Variants in CSMD1 observed in about 807,000 individuals in gnomAD.
The protein encoded by CSMD1 is CUB and sushi domain-containing protein 1.
Under a neutral mutation model 417.5 loss-of-function variants are expected in CSMD1, and 213 were observed. The observed-to-expected ratio is 0.51, with a 90% CI of 0.46 to 0.57. The LOEUF is 0.57. Ranked by LOEUF, CSMD1 falls within the 20% of genes least tolerant of loss-of-function variation. The pLI, the probability that CSMD1 is intolerant of heterozygous loss-of-function variation, is 0.00. For synonymous variants in CSMD1, 2,862 were observed against 1,736.8 expected, an observed-to-expected ratio of 1.65 and a Z score of -16.11; for missense variants, 6,923 against 4,529.7, an observed-to-expected ratio of 1.53 and a Z score of -15.17.
intron 2 of CSMD1, among the ~76,000 whole-genome samples, chr8:4,526,619 A>G (rs1342252864): frequency 6.6e-6 from 1 of 152,260 alleles, no homozygotes; most frequent in Non-Finnish European, 1.5e-5. Context: ...CCAACTTGAC[A>G]TCACTCTTGG....
intron 3 of CSMD1, among the ~76,000 whole-genome samples, chr8:4,085,370 A>G (rs1055476830): frequency 1.3e-5 from 2 of 152,238 alleles, no homozygotes; most frequent in Admixed American, 6.5e-5. Flanking sequence ...AAAAGGAAAA[A>G]GAAGCTATAT....
At chr8:4,194,594 T>C (rs1026857978) in intron 3 of CSMD1, among the ~76,000 whole-genome samples, 4 of 152,150 alleles carry the variant, frequency 2.6e-5, no homozygotes, top group African/African-American at 9.7e-5. Context: ...GTTTCCCCTT[T>C]GACATTAATT....
chr8:3,809,899 C>T (rs1423232474), intron 5 of CSMD1, among the ~76,000 whole-genome samples: 1 of 152,050 alleles, frequency 6.6e-6, no homozygotes, highest in African/African-American at 2.4e-5. Flanking sequence ...TGCCTTTCTC[C>T]CATCTTTAAT....
rs370943074 is a variant in CSMD1 at position 3,035,035 on chromosome 8, C to CTAAGACT, written c.7661-5529_7661-5523dup. 2.4e-3 allele frequency among the ~76,000 whole-genome samples: 365 copies of CTAAGACT among 152,282 alleles called. 2 individuals are homozygous for CTAAGACT. The highest frequency in any genetic ancestry group is 4.3e-3 in the Non-Finnish European group (292 of 68,018). ...GTTGCAGTAAACATGCACGCCTCCC[C>CTAAGACT]TAAGACTTAAGACAAAGTGGAGTTA... On this transcript the variant is annotated intron_variant, in intron 50 of 69. Coordinates refer to ENST00000635120, the MANE Select transcript of CSMD1 (RefSeq NM_033225.6).
At chr8:3,995,802 T>C (rs1261379666) in intron 5 of CSMD1, among the ~76,000 whole-genome samples, 1 of 152,206 alleles carries the variant, frequency 6.6e-6, no homozygotes, top group African/African-American at 2.4e-5. Flanking sequence ...TAATCATGGC[T>C]ATTTGAAGAG....
chr8:4,413,108 A>C (rs998625377), intron 3 of CSMD1, among the ~76,000 whole-genome samples: 1 of 152,182 alleles, frequency 6.6e-6, no homozygotes, highest in African/African-American at 2.4e-5. Flanking sequence ...ATGGCCCTCA[A>C]ATTAAGAAAG....
intron 4 of CSMD1, among the ~76,000 whole-genome samples, chr8:4,009,050 C>T (rs748079463): frequency 3.3e-5 from 5 of 152,036 alleles, no homozygotes; most frequent in African/African-American, 4.8e-5. Context: ...AATATTTTTC[C>T]TTTATTGAGT....
chr8:4,691,305 T>G (rs1423492540), intron 1 of CSMD1, among the ~76,000 whole-genome samples: 1 of 152,150 alleles, frequency 6.6e-6, no homozygotes, highest in African/African-American at 2.4e-5. Context: ...AAGCCTTAGT[T>G]TAATTTTCTT....
intron 1 of CSMD1, among the ~76,000 whole-genome samples, chr8:4,881,505 G>C (rs1055082766): frequency 3.4e-5 from 5 of 145,470 alleles, no homozygotes; most frequent in African/African-American, 1.3e-4. Context: ...ATAGAATTAG[G>C]CTCTTCCAGG....
chr8:4,719,683 G>T (rs1300326841), intron 1 of CSMD1, among the ~76,000 whole-genome samples: 3 of 152,216 alleles, frequency 2.0e-5, no homozygotes, highest in African/African-American at 7.2e-5. Flanking sequence ...CCAGATGAAA[G>T]TAATTTGATT....
intron 21 of CSMD1, among the ~76,000 whole-genome samples, chr8:3,356,697 A>C (rs1224421564): frequency 6.8e-6 from 1 of 147,922 alleles, no homozygotes; most frequent in Admixed American, 6.8e-5. Flanking sequence ...ACAACAACAA[A>C]AAAACGTAAT....
At chr8:4,005,480 A>T (rs1816039439) in intron 4 of CSMD1, among the ~76,000 whole-genome samples, 1 of 152,146 alleles carries the variant, frequency 6.6e-6, no homozygotes, top group Non-Finnish European at 1.5e-5. Flanking sequence ...ATGAACACTG[A>T]ATTATCTCCA....
chr8:3,198,112 T>C (rs1036736354), intron 33 of CSMD1, among the ~76,000 whole-genome samples: 1 of 152,242 alleles, frequency 6.6e-6, no homozygotes, highest in African/African-American at 2.4e-5. Context: ...GATGAAAACG[T>C]ATTACTTTAA....
intron 26 of CSMD1, among the ~76,000 whole-genome samples, chr8:3,257,325 AAAAC>A (rs1459988655): frequency 1.3e-5 from 2 of 152,228 alleles, no homozygotes; most frequent in Non-Finnish European, 2.9e-5. Context: ...ACTCCATCTC[AAAAC>A]AAACAGAAAA....
At chr8:3,240,990 T>G (rs1187916201) in intron 26 of CSMD1, among the ~76,000 whole-genome samples, 160 of 150,184 alleles carry the variant, frequency 1.1e-3, no homozygotes, top group South Asian at 4.7e-3. Context: ...GGTGATTAGT[T>G]TTTAATGAGA....
chr8:3,242,129 G>C (rs188602400), intron 26 of CSMD1, among the ~76,000 whole-genome samples: 2 of 151,540 alleles, frequency 1.3e-5, no homozygotes, highest in African/African-American at 2.4e-5. Flanking sequence ...TATGCCTTTA[G>C]CTCCAGCCAC....
chr8:3,683,395 C>A (rs1372976427), intron 7 of CSMD1, among the ~76,000 whole-genome samples: 3 of 152,004 alleles, frequency 2.0e-5, no homozygotes, highest in Admixed American at 6.6e-5. Flanking sequence ...GCATCCTTAT[C>A]ACTAAAGTAA....
chr8:4,194,043 T>C (rs1038962007), intron 3 of CSMD1, among the ~76,000 whole-genome samples: 2 of 152,174 alleles, frequency 1.3e-5, no homozygotes, highest in East Asian at 1.9e-4. Context: ...ATTAAAATTA[T>C]AGTAACTTTC....
At chr8:3,690,252 G>A (rs961052420) in intron 7 of CSMD1, among the ~76,000 whole-genome samples, 2 of 152,136 alleles carry the variant, frequency 1.3e-5, no homozygotes, top group African/African-American at 2.4e-5. Flanking sequence ...CCAGCTACTT[G>A]GGAGGAGGCT....
Sources: gnomAD v4.1 joint callset for allele counts (sites outside exome capture counted in the v4.1 genomes callset) on GRCh38, gnomAD v4.1.1 for gene constraint, MANE v1.5 for transcripts, NCBI Gene and HGNC (gene_info 2026-07-23, HGNC 2026-07-21) for gene names.